TRAPPC9: variants seen among roughly 807,000 people sequenced by gnomAD.
The protein encoded by TRAPPC9 is IKK2 binding protein.
In TRAPPC9, 83 loss-of-function variants were observed where a neutral mutation model predicts 124.0. The ratio of observed to expected loss-of-function variants is 0.67; its 90% CI spans 0.56 to 0.80. The LOEUF (loss-of-function observed/expected upper bound fraction) is 0.80, where lower values mean the gene tolerates loss of function less well. Among genes scored for constraint, TRAPPC9 ranks in the 30% least tolerant of loss-of-function variants. The pLI is 0.00. For synonymous variants in TRAPPC9, 638 were observed against 617.5 expected, an observed-to-expected ratio of 1.03 and a Z score of -0.49; for missense variants, 1,302 against 1,508.3, an observed-to-expected ratio of 0.86 and a Z score of 2.27.
chr8:139,946,919 A>G (rs12114320), intron 19 of TRAPPC9, among the ~76,000 whole-genome samples: 4,980 of 152,136 alleles, frequency 0.033, 270 homozygotes, highest in African/African-American at 0.11. Context: ...CCCAGGAGGC[A>G]GAGGTTGCAG....
intron 19 of TRAPPC9, among the ~76,000 whole-genome samples, chr8:139,986,910 A>T (rs1837270676): frequency 6.6e-6 from 1 of 152,148 alleles, no homozygotes; most frequent in African/African-American, 2.4e-5. Flanking sequence ...GAGTTTTTCC[A>T]TCGTAAATTG....
intron 21 of TRAPPC9, among the ~76,000 whole-genome samples, chr8:139,760,292 C>T (rs1044502841): frequency 6.6e-6 from 1 of 152,024 alleles, no homozygotes; most frequent in East Asian, 1.9e-4. Flanking sequence ...GGCTTTCCCC[C>T]CATTGCTGAA....
intron 19 of TRAPPC9, among the ~76,000 whole-genome samples, chr8:139,986,638 T>A (rs765514483): frequency 4.6e-5 from 7 of 152,238 alleles, no homozygotes; most frequent in Non-Finnish European, 7.3e-5. Context: ...ATTGTAGCTA[T>A]CATGCCCCGA....
chr8:139,818,150 T>G (rs78058573), intron 21 of TRAPPC9, among the ~76,000 whole-genome samples: 21,007 of 152,236 alleles, frequency 0.14, 1,528 homozygotes, highest in Admixed American at 0.2. Flanking sequence ...CGGGGCTTTC[T>G]GACTCCAAAG....
intron 17 of TRAPPC9, among the ~76,000 whole-genome samples, chr8:140,137,320 G>A (rs1324684794): frequency 1.3e-5 from 2 of 152,036 alleles, no homozygotes; most frequent in Non-Finnish European, 2.9e-5. Flanking sequence ...TGACCACCTT[G>A]GCCCCACACC....
chr8:139,780,796 A>G (rs1164563374), intron 21 of TRAPPC9, among the ~76,000 whole-genome samples: 1 of 152,200 alleles, frequency 6.6e-6, no homozygotes, highest in Non-Finnish European at 1.5e-5. Context: ...TATCCAAAAT[A>G]TACGAAGAAC....
chr8:140,103,259 C>T (rs528146161), intron 17 of TRAPPC9, among the ~76,000 whole-genome samples: 1 of 152,280 alleles, frequency 6.6e-6, no homozygotes, highest in African/African-American at 2.4e-5. Flanking sequence ...TTTAGTGCAG[C>T]ATTATCGGGG....
At chr8:140,284,466 G>A (rs898067982) in intron 13 of TRAPPC9, among the ~76,000 whole-genome samples, 6 of 152,004 alleles carry the variant, frequency 3.9e-5, no homozygotes, top group African/African-American at 1.2e-4. Flanking sequence ...GTTCACACAC[G>A]AGCCAATTGT....
chr8:140,007,155 A>T (rs1838812789), intron 18 of TRAPPC9, among the ~76,000 whole-genome samples: 1 of 152,218 alleles, frequency 6.6e-6, no homozygotes, highest in South Asian at 2.1e-4. Context: ...GTTGTTGAAC[A>T]AACAGTTGAA....
intron 6 of TRAPPC9, among the ~76,000 whole-genome samples, chr8:140,402,405 A>AT (rs1448381101): frequency 1.0e-3 from 153 of 151,408 alleles, no homozygotes; most frequent in African/African-American, 3.5e-3. Flanking sequence ...CTCAAAAAAA[A>AT]AAAAATGGGT....
chr8:140,271,497 A>G (rs769181634), intron 15 of TRAPPC9, among the ~76,000 whole-genome samples: 2 of 152,192 alleles, frequency 1.3e-5, no homozygotes, highest in Non-Finnish European at 2.9e-5. Context: ...GTATACATAA[A>G]GAAGTCCTCC....
intron 9 of TRAPPC9, among the ~76,000 whole-genome samples, chr8:140,312,542 T>C (rs2066324741): frequency 6.6e-6 from 1 of 152,120 alleles, no homozygotes; most frequent in African/African-American, 2.4e-5. Flanking sequence ...TAAACTGAAA[T>C]GATAATAACC....
chr8:140,442,522 T>C (rs903029180), intron 2 of TRAPPC9, among the ~76,000 whole-genome samples: 172 of 147,886 alleles, frequency 1.2e-3, no homozygotes, highest in Middle Eastern at 3.6e-3. Flanking sequence ...GGTGTGAACC[T>C]GGGAGGCGGA....
intron 17 of TRAPPC9, among the ~76,000 whole-genome samples, chr8:140,056,542 G>A (rs563095954): frequency 5.3e-5 from 8 of 152,034 alleles, no homozygotes; most frequent in East Asian, 1.9e-4. Flanking sequence ...CAGTAAAGGC[G>A]CCAAGAATAC....
chr8:139,833,824 C>T (rs531561128), intron 21 of TRAPPC9, among the ~76,000 whole-genome samples: 15 of 152,246 alleles, frequency 9.9e-5, no homozygotes, highest in African/African-American at 1.9e-4. Context: ...CAGGAGGGGC[C>T]GGGAATGAAC....
At chr8:140,361,896 C>T (rs900116068) in intron 8 of TRAPPC9, among the ~76,000 whole-genome samples, 3 of 152,154 alleles carry the variant, frequency 2.0e-5, no homozygotes, top group East Asian at 1.9e-4. Flanking sequence ...TCCTCCCTAA[C>T]GCAAATAGCA....
intron 9 of TRAPPC9, among the ~76,000 whole-genome samples, chr8:140,330,254 A>G (rs1412896215): frequency 6.6e-6 from 1 of 152,108 alleles, no homozygotes; most frequent in African/African-American, 2.4e-5. Flanking sequence ...GCTTTTCTTC[A>G]TTCTGCATAT....
chr8:140,413,055 G>C lies in TRAPPC9; in HGVS notation c.887-7357C>G, dbSNP rs142070311. Among the ~76,000 whole-genome samples the C allele has an allele frequency of 8.8e-3, 1,334 of 152,200 alleles. 18 individuals are homozygous for C. Among genetic ancestry groups the C allele is most frequent in the African/African-American group, 0.029 (1,194 of 41,518 alleles). On this transcript the variant is annotated intron_variant, in intron 5 of 22. Coordinates refer to ENST00000438773, the MANE Select transcript of TRAPPC9 (RefSeq NM_001160372.4). Reference sequence around the variant, plus strand: ...AAGTGTCAGGTGCTGAGCTGGGCACGGGGAATCCACTGCCACAGCAGTGTG... The same window carrying C: ...AAGTGTCAGGTGCTGAGCTGGGCACCGGGAATCCACTGCCACAGCAGTGTG...
At chr8:140,170,142 C>A (rs1040896520) in intron 17 of TRAPPC9, among the ~76,000 whole-genome samples, 1 of 152,172 alleles carries the variant, frequency 6.6e-6, no homozygotes, top group African/African-American at 2.4e-5. Context: ...GAAGCCCTAT[C>A]AGGATGCTCA....
Sources: allele counts gnomAD v4.1 joint callset (sites outside exome capture counted in the v4.1 genomes callset), GRCh38; gene constraint gnomAD v4.1.1; transcripts MANE v1.5; gene names NCBI Gene and HGNC (gene_info 2026-07-23, HGNC 2026-07-21).